Variants in SGMS1 observed in about 807,000 individuals in gnomAD.
SGMS1 encodes the protein sphingomyelin synthase 1.
A neutral mutation model predicts 46.2 loss-of-function variants in SGMS1; 13 were observed. The observed-to-expected ratio is 0.28, with a 90% CI of 0.18 to 0.45. The LOEUF is 0.45. Ranked by LOEUF, SGMS1 falls within the 20% of genes least tolerant of loss-of-function variation. The pLI is 1.00. For missense variants in SGMS1, 324 were observed against 519.9 expected (o/e 0.62, Z 3.66); for synonymous variants, 203 against 187.8 (o/e 1.08, Z -0.66).
intron 6 of SGMS1, among the ~76,000 whole-genome samples, chr10:50,398,618 T>G (rs191665254): frequency 5.3e-5 from 8 of 152,232 alleles, no homozygotes; most frequent in African/African-American, 1.9e-4. Context: ...GTAGCAAGTC[T>G]TCTGAGAAAT....
rs548672434 is a variant in SGMS1, at chr10:50,353,022, G to A, written c.-231-8677C>T. Among the ~76,000 whole-genome samples the A allele has an allele frequency of 1.1e-3, 160 of 152,252 alleles. No homozygotes were observed. The Middle Eastern group carries it at 0.014, about 13-fold the overall frequency. ...TCTACCAGAGGTACAAGGAGGAGCT[G>A]GTACCATTCCTTCTGAAACTATTCC... is the stretch of plus-strand genomic sequence containing the variant. On this transcript the variant is annotated intron_variant, in intron 6 of 10. Transcript: ENST00000361781.
intron 1 of SGMS1, among the ~76,000 whole-genome samples, chr10:50,613,761 G>C (rs369247384): frequency 1.3e-5 from 2 of 152,078 alleles, no homozygotes; most frequent in Admixed American, 6.5e-5. Context: ...AAAGGTTTTC[G>C]TCCCGAGGTT....
intron 6 of SGMS1, among the ~76,000 whole-genome samples, chr10:50,353,119 G>A (rs1193256290): frequency 6.6e-6 from 1 of 152,184 alleles, no homozygotes; most frequent in African/African-American, 2.4e-5. Context: ...ACCAAAGCCT[G>A]GCAGAGACAC....
At chr10:50,373,633 G>A (rs1313931627) in intron 6 of SGMS1, among the ~76,000 whole-genome samples, 2 of 152,026 alleles carry the variant, frequency 1.3e-5, no homozygotes, top group African/African-American at 2.4e-5. Flanking sequence ...GGAAAAATAC[G>A]GATTTAATTT....
intron 1 of SGMS1, among the ~76,000 whole-genome samples, chr10:50,592,671 C>T (rs79828839): frequency 0.13 from 19,632 of 152,208 alleles, 1,661 homozygotes; most frequent in Non-Finnish European, 0.19. Context: ...CACTCCCCTG[C>T]CTCAGGTACG....
intron 6 of SGMS1, 136 bp from the exon 7 acceptor site, chr10:50,344,481 C>T (rs1847881355): frequency 5.6e-6 from 1 of 179,238 alleles, no homozygotes; most frequent in Non-Finnish European, 1.2e-5. Context: ...GTATTCGTTT[C>T]AGGGACTACT....
chr10:50,456,165 C>T (rs1837188386), intron 5 of SGMS1, among the ~76,000 whole-genome samples: 1 of 152,142 alleles, frequency 6.6e-6, no homozygotes, highest in African/African-American at 2.4e-5. Context: ...CAGTGATTTT[C>T]ACAGTCTTTA....
intron 3 of SGMS1, among the ~76,000 whole-genome samples, chr10:50,474,635 T>C (rs1305714989): frequency 3.3e-5 from 5 of 152,320 alleles, no homozygotes; most frequent in Admixed American, 2.6e-4. Flanking sequence ...ATTTTAGGCA[T>C]AGGTACACAG....
chr10:50,376,444 AAATTAT>A, intron 6 of SGMS1, among the ~76,000 whole-genome samples: 1 of 152,166 alleles, frequency 6.6e-6, no homozygotes, highest in East Asian at 1.9e-4. Flanking sequence ...CATTTTTTTT[AAATTAT>A]ACTTTAAGTT....
chr10:50,566,420 T>C (rs1230643510), intron 2 of SGMS1, among the ~76,000 whole-genome samples: 1 of 152,206 alleles, frequency 6.6e-6, no homozygotes, highest in African/African-American at 2.4e-5. Flanking sequence ...GAAAACATAT[T>C]GATTTTTACT....
chr10:50,481,036 G>C (rs1837471833), intron 3 of SGMS1, among the ~76,000 whole-genome samples: 1 of 152,218 alleles, frequency 6.6e-6, no homozygotes, highest in Non-Finnish European at 1.5e-5. Flanking sequence ...GCCCCCATGG[G>C]GAGGGGTGGC....
intron 6 of SGMS1, among the ~76,000 whole-genome samples, chr10:50,414,300 A>C (rs976151349): frequency 6.6e-6 from 1 of 152,244 alleles, no homozygotes; most frequent in Non-Finnish European, 1.5e-5. Context: ...GCTACTCAGC[A>C]GGCTGAGGTG....
At chr10:50,432,911 T>C (rs1388251370) in intron 6 of SGMS1, among the ~76,000 whole-genome samples, 7 of 152,214 alleles carry the variant, frequency 4.6e-5, no homozygotes, top group African/African-American at 1.4e-4. Context: ...ACTAACATTA[T>C]TGTTATCACA....
intron 5 of SGMS1, among the ~76,000 whole-genome samples, chr10:50,440,374 C>T (rs930640475): frequency 3.3e-5 from 5 of 151,712 alleles, no homozygotes; most frequent in Non-Finnish European, 7.4e-5. Flanking sequence ...ATGTTAAAAA[C>T]AAATTAAAAG....
chr10:50,416,837 T>TAAAAA (rs36028635), intron 6 of SGMS1, among the ~76,000 whole-genome samples: 3 of 117,254 alleles, frequency 2.6e-5, no homozygotes, highest in Non-Finnish European at 5.1e-5. Flanking sequence ...TTTATAGAAC[T>TAAAAA]AAAAAAAAAA....
intron 3 of SGMS1, among the ~76,000 whole-genome samples, chr10:50,496,233 T>G (rs1837614106): frequency 6.6e-6 from 1 of 152,230 alleles, no homozygotes; most frequent in African/African-American, 2.4e-5. Flanking sequence ...TATAAATAAT[T>G]CTTTAATGGC....
chr10:50,623,520 G>C (rs554742644), intron 1 of SGMS1, 187 bp downstream of exon 1: 2 of 949,448 alleles, frequency 2.1e-6, no homozygotes, highest in African/African-American at 3.5e-5. Context: ...GACCACCCAC[G>C]GGAGCAGCAG....
chr10:50,578,001 G>T (rs1318061453), intron 2 of SGMS1, among the ~76,000 whole-genome samples: 1 of 152,186 alleles, frequency 6.6e-6, no homozygotes, highest in African/African-American at 2.4e-5. Context: ...ATTTGACAGA[G>T]GATACATGTA....
intron 2 of SGMS1, among the ~76,000 whole-genome samples, chr10:50,535,823 G>A (rs116256410): frequency 3.3e-4 from 51 of 152,254 alleles, no homozygotes; most frequent in African/African-American, 1.2e-3. Flanking sequence ...GAGGGGCCAA[G>A]CTTGGCCTTT....
Sources: gnomAD v4.1 joint callset for allele counts (sites outside exome capture counted in the v4.1 genomes callset) on GRCh38, gnomAD v4.1.1 for gene constraint, MANE v1.5 for transcripts, NCBI Gene and HGNC (gene_info 2026-07-23, HGNC 2026-07-21) for gene names.